The following PCDH15 variants were observed in gnomAD, a reference collection of about 807,000 sequenced individuals.
The protein encoded by PCDH15 is protocadherin-15.
Under a neutral mutation model 178.5 loss-of-function variants are expected in PCDH15, and 129 were observed. The ratio of observed to expected loss-of-function variants is 0.72; its 90% CI spans 0.63 to 0.84. The LOEUF (loss-of-function observed/expected upper bound fraction) is 0.84. Ranked by LOEUF, PCDH15 falls within the 40% of genes least tolerant of loss-of-function variation. The pLI is 0.00. For missense variants in PCDH15, 2,230 were observed against 2,099.9 expected (o/e 1.06, Z -1.21); for synonymous variants, 800 against 732.0 (o/e 1.09, Z -1.50).
chr10:55,449,871 C>T (rs906758111), intron 2 of PCDH15, among the ~76,000 whole-genome samples: 1 of 151,686 alleles, frequency 6.6e-6, no homozygotes, highest in Non-Finnish European at 1.5e-5. Context: ...AAGAACATTA[C>T]AGTGTTCGTT....
chr10:54,540,489 T>C lies in PCDH15; in HGVS notation c.92-12612A>G, dbSNP rs556063571. Reference sequence around the variant, plus strand: ...AATTAAAACCCTGAACAGACCAACATTGAGTTCCATATTGACTCAGTAATA... The same window carrying C: ...AATTAAAACCCTGAACAGACCAACACTGAGTTCCATATTGACTCAGTAATA... On this transcript the variant is annotated intron_variant, in intron 2 of 37. Coordinates refer to ENST00000644397, the MANE Select transcript of PCDH15 (RefSeq NM_001384140.1). 2.2e-3 allele frequency among the ~76,000 whole-genome samples: 339 copies of C among 152,132 alleles called. 1 individual carries two copies. The highest frequency in any genetic ancestry group is 7.2e-3 in the African/African-American group (300 of 41,538).
chr10:54,399,339 T>C (rs890714516), intron 3 of PCDH15, among the ~76,000 whole-genome samples: 48 of 152,010 alleles, frequency 3.2e-4, no homozygotes, highest in African/African-American at 1.1e-3. Context: ...TCAGGTAGCT[T>C]GGACACTGAG....
intron 3 of PCDH15, among the ~76,000 whole-genome samples, chr10:54,806,485 AT>A (rs60187846): frequency 2.0e-3 from 283 of 140,966 alleles, no homozygotes; most frequent in Admixed American, 4.1e-3. Context: ...TTCTGGCTTG[AT>A]TTTTTTTTTT....
chr10:54,261,845 G>C (rs1182011962), intron 8 of PCDH15, among the ~76,000 whole-genome samples: 1 of 152,174 alleles, frequency 6.6e-6, no homozygotes, highest in Non-Finnish European at 1.5e-5. Context: ...CTCTTCCATG[G>C]AGAGGAACCC....
chr10:54,713,194 CTGAA>C (rs997871014), intron 1 of PCDH15, among the ~76,000 whole-genome samples: 11 of 151,222 alleles, frequency 7.3e-5, no homozygotes, highest in African/African-American at 2.7e-4. Context: ...CTGTTTGTAA[CTGAA>C]TGAAGTTAAA....
At chr10:54,593,097 C>T (rs1175895186) in intron 2 of PCDH15, among the ~76,000 whole-genome samples, 2 of 152,002 alleles carry the variant, frequency 1.3e-5, no homozygotes, top group Non-Finnish European at 2.9e-5. Context: ...ATCAGATATA[C>T]AGTTGCAAAT....
At position 54,371,681 on chromosome 10, in the gene PCDH15, T is replaced by G. The variant is rs1947692054; in HGVS notation, c.319-2406A>C. On this transcript the variant is annotated intron_variant, in intron 4 of 37. Coordinates refer to ENST00000644397, the MANE Select transcript of PCDH15 (RefSeq NM_001384140.1). Reference sequence around the variant, plus strand: ...GTATCTCATGTAACTCATATGCACCTACTATATACCCATAAAAGTTTTTAA... The same window carrying G: ...GTATCTCATGTAACTCATATGCACCGACTATATACCCATAAAAGTTTTTAA... Among the ~76,000 whole-genome samples, 3 of 151,892 alleles carry G rather than the reference T, an allele frequency of 2.0e-5. No individual in the cohort carries two copies. In the South Asian group the frequency reaches 6.2e-4, roughly 31 times the overall value.
At chr10:54,241,723 G>A (rs1027983619) in intron 8 of PCDH15, among the ~76,000 whole-genome samples, 2 of 152,028 alleles carry the variant, frequency 1.3e-5, no homozygotes, top group Non-Finnish European at 2.9e-5. Context: ...AACTGTCAGA[G>A]CTACATTCCC....
At chr10:55,176,481 A>G (rs1839490994) in intron 1 of PCDH15, among the ~76,000 whole-genome samples, 1 of 152,116 alleles carries the variant, frequency 6.6e-6, no homozygotes, top group Non-Finnish European at 1.5e-5. Context: ...GATCCATTGT[A>G]AAGATCCAAC....
At chr10:55,579,964 C>T (rs1842575366) in intron 2 of PCDH15, among the ~76,000 whole-genome samples, 1 of 152,098 alleles carries the variant, frequency 6.6e-6, no homozygotes, top group African/African-American at 2.4e-5. Context: ...TCAAGCAATT[C>T]TCATGCCTAA....
intron 23 of PCDH15, among the ~76,000 whole-genome samples, chr10:53,953,990 C>G (rs947336282): frequency 6.6e-6 from 1 of 152,092 alleles, no homozygotes; most frequent in Non-Finnish European, 1.5e-5. Flanking sequence ...CAGGGTTTCA[C>G]CGTGTTAGCC....
intron 26 of PCDH15, among the ~76,000 whole-genome samples, chr10:53,883,719 G>T (rs895260230): frequency 6.6e-6 from 1 of 152,136 alleles, no homozygotes; most frequent in South Asian, 2.1e-4. Flanking sequence ...CATTTAAAAG[G>T]CTTTTGTTTT....
chr10:55,620,125 A>T (rs1411663697), intron 2 of PCDH15, among the ~76,000 whole-genome samples: 2 of 152,052 alleles, frequency 1.3e-5, no homozygotes, highest in Non-Finnish European at 2.9e-5. Context: ...TATTTTTGGA[A>T]ATAGGATGTT....
chr10:54,533,345 T>C (rs1006384285), intron 2 of PCDH15, among the ~76,000 whole-genome samples: 2 of 152,150 alleles, frequency 1.3e-5, no homozygotes, highest in Non-Finnish European at 2.9e-5. Context: ...AAAGATAAGG[T>C]CATTGGTGAC....
chr10:55,050,637 T>C (rs1007376249), intron 2 of PCDH15, among the ~76,000 whole-genome samples: 24 of 152,078 alleles, frequency 1.6e-4, no homozygotes, highest in African/African-American at 5.3e-4. Flanking sequence ...CAAAGCTGTA[T>C]TGGCATATCC....
intron 2 of PCDH15, among the ~76,000 whole-genome samples, chr10:54,897,703 G>A (rs567070430): frequency 1.1e-4 from 17 of 152,132 alleles, no homozygotes; most frequent in African/African-American, 4.1e-4. Flanking sequence ...TTAGAAATGT[G>A]CTAATTCTAC....
chr10:54,508,945 T>A (rs1199598921), intron 3 of PCDH15, among the ~76,000 whole-genome samples: 1 of 152,134 alleles, frequency 6.6e-6, no homozygotes, highest in Non-Finnish European at 1.5e-5. Context: ...CATTTACATT[T>A]CACGTATACA....
intron 3 of PCDH15, among the ~76,000 whole-genome samples, chr10:54,842,648 A>G (rs1261806112): frequency 6.6e-6 from 1 of 151,932 alleles, no homozygotes; most frequent in Non-Finnish European, 1.5e-5. Context: ...TGGACTTTGT[A>G]GTTAGTCTGC....
At chr10:54,970,436 A>G (rs1440992266) in intron 2 of PCDH15, among the ~76,000 whole-genome samples, 4 of 152,192 alleles carry the variant, frequency 2.6e-5, no homozygotes, top group Non-Finnish European at 5.9e-5. Flanking sequence ...AAAGCTGTAA[A>G]GAAAGCCAGA....
Sources: gnomAD v4.1 joint callset for allele counts (sites outside exome capture counted in the v4.1 genomes callset) on GRCh38, gnomAD v4.1.1 for gene constraint, MANE v1.5 for transcripts, NCBI Gene and HGNC (gene_info 2026-07-23, HGNC 2026-07-21) for gene names.